The following PTPRO variants were observed in gnomAD, a reference collection of about 807,000 sequenced individuals.
PTPRO encodes the protein protein tyrosine phosphatase receptor type O, also known as receptor-type tyrosine-protein phosphatase O.
Under a neutral mutation model 145.2 loss-of-function variants are expected in PTPRO, and 62 were observed. The ratio of observed to expected loss-of-function variants is 0.43; its 90% CI spans 0.35 to 0.53. The LOEUF (loss-of-function observed/expected upper bound fraction) is 0.53. Ranked by LOEUF, PTPRO falls within the 20% of genes least tolerant of loss-of-function variation. PTPRO has a pLI of 0.01. For missense variants in PTPRO, 1,345 were observed against 1,482.7 expected (o/e 0.91, Z 1.53); for synonymous variants, 565 against 514.7 (o/e 1.10, Z -1.32).
intron 1 of PTPRO, among the ~76,000 whole-genome samples, chr12:15,410,114 G>T (rs1268106037): frequency 6.6e-6 from 1 of 151,910 alleles, no homozygotes; most frequent in Non-Finnish European, 1.5e-5. Context: ...ACAGAAAGCA[G>T]GAATAAAAAG....
chr12:15,447,235 G>A (rs11513656), intron 1 of PTPRO, among the ~76,000 whole-genome samples: 22,561 of 151,938 alleles, frequency 0.15, 1,749 homozygotes, highest in Middle Eastern at 0.19. Flanking sequence ...TGGATTTCAT[G>A]GGGGGGAGGG....
chr12:15,470,970 C>T (rs1941526393), intron 1 of PTPRO, among the ~76,000 whole-genome samples: 2 of 152,136 alleles, frequency 1.3e-5, no homozygotes, highest in Admixed American at 6.5e-5. Context: ...AGTGCATGTA[C>T]CCTCCAGTCT....
At chr12:15,412,035 AGACACCCTCACGCAGCTCTC>A (rs1939814766) in intron 1 of PTPRO, among the ~76,000 whole-genome samples, 2 of 152,228 alleles carry the variant, frequency 1.3e-5, no homozygotes, top group Non-Finnish European at 2.9e-5. Context: ...TTTACTCAGC[AGACACCCTCACGCAGCTCTC>A]TTCAGACCCT....
At chr12:15,563,391 G>A (rs1943823605) in intron 17 of PTPRO, among the ~76,000 whole-genome samples, 1 of 151,958 alleles carries the variant, frequency 6.6e-6, no homozygotes, top group South Asian at 2.1e-4. Context: ...ATTTTCCCCT[G>A]GTTTTAGTCT....
chr12:15,410,658 A>T (rs1591787093), intron 1 of PTPRO: 1 of 152,214 alleles, frequency 6.6e-6, no homozygotes, highest in South Asian at 2.1e-4. Flanking sequence ...TTTCTTTAAA[A>T]ATATGGATTA....
At chr12:15,326,327 C>T (rs750087240) in intron 1 of PTPRO, among the ~76,000 whole-genome samples, 6 of 152,168 alleles carry the variant, frequency 3.9e-5, no homozygotes, top group Non-Finnish European at 5.9e-5. Flanking sequence ...TTTGGAGAAA[C>T]CTTTTTACAT....
chr12:15,461,291 G>T (rs1271867879), intron 1 of PTPRO, among the ~76,000 whole-genome samples: 4 of 152,138 alleles, frequency 2.6e-5, no homozygotes, highest in Non-Finnish European at 5.9e-5. Context: ...CAAGCTCCAA[G>T]TTGCCCTGCC....
intron 11 of PTPRO, among the ~76,000 whole-genome samples, chr12:15,525,259 C>T (rs574864943): frequency 2.0e-5 from 3 of 152,294 alleles, no homozygotes; most frequent in East Asian, 3.9e-4. Flanking sequence ...CTACAATTAA[C>T]GTGTTTCCCA....
At chr12:15,390,215 A>G (rs1215794981) in intron 1 of PTPRO, among the ~76,000 whole-genome samples, 2 of 152,124 alleles carry the variant, frequency 1.3e-5, no homozygotes, top group Middle Eastern at 6.3e-3. Context: ...AATTTAAGTA[A>G]TGCACTTCTG....
intron 12 of PTPRO, among the ~76,000 whole-genome samples, chr12:15,530,535 C>A (rs1451081292): frequency 6.6e-6 from 1 of 152,060 alleles, no homozygotes; most frequent in African/African-American, 2.4e-5. Context: ...TCTTTTCTGA[C>A]CACAATGGAA....
chr12:15,513,135 GGAAGGAAGAAAGAAAGAAAGAA>G (rs1309291988), intron 7 of PTPRO, among the ~76,000 whole-genome samples: 2 of 29,322 alleles, frequency 6.8e-5, no homozygotes, highest in African/African-American at 2.4e-4. Flanking sequence ...AAGGAAGGAA[GGAAGGAAGAAAGAAAGAAAGAA>G]AAAGAAAGAA....
chr12:15,499,381 T>G (rs1192768287), intron 3 of PTPRO, 61 bp from the exon 4 acceptor site: 24 of 1,514,376 alleles, frequency 1.6e-5, no homozygotes, highest in Non-Finnish European at 2.2e-5. Flanking sequence ...TTTCAAACTT[T>G]CCAGAAGTGT....
chr12:15,525,126 T>C (rs1454892820), intron 11 of PTPRO, among the ~76,000 whole-genome samples, 161 bp downstream of exon 11: 1 of 152,220 alleles, frequency 6.6e-6, no homozygotes, highest in African/African-American at 2.4e-5. Context: ...GAATTCTTCC[T>C]TTCATAGAGC....
chr12:15,340,214 G>A (rs1226314962), intron 1 of PTPRO, among the ~76,000 whole-genome samples: 1 of 152,154 alleles, frequency 6.6e-6, no homozygotes, highest in Non-Finnish European at 1.5e-5. Context: ...AAAGGAGTTA[G>A]GAGTGAAACC....
intron 1 of PTPRO, among the ~76,000 whole-genome samples, chr12:15,331,338 C>T (rs1441650351): frequency 2.0e-5 from 3 of 152,062 alleles, no homozygotes; most frequent in Non-Finnish European, 4.4e-5. Context: ...ATAAATGCTT[C>T]CGGGAATTGA....
intron 1 of PTPRO, among the ~76,000 whole-genome samples, chr12:15,424,631 C>A (rs1315186204): frequency 6.6e-6 from 1 of 151,814 alleles, no homozygotes. Flanking sequence ...ATAATGGGTG[C>A]ATGAAAGAGG....
chr12:15,334,743 T>C (rs992009199), intron 1 of PTPRO, among the ~76,000 whole-genome samples: 4 of 152,138 alleles, frequency 2.6e-5, no homozygotes, highest in Non-Finnish European at 5.9e-5. Context: ...CACTCTCACA[T>C]ACATGACTGA....
intron 1 of PTPRO, among the ~76,000 whole-genome samples, chr12:15,430,984 T>C (rs887281865): frequency 1.2e-4 from 18 of 152,210 alleles, no homozygotes; most frequent in African/African-American, 4.3e-4. Flanking sequence ...TAGTAATTAT[T>C]GCTTAAAAAC....
At chr12:15,418,249 A>T (rs1754191203) in intron 1 of PTPRO, among the ~76,000 whole-genome samples, 1 of 151,832 alleles carries the variant, frequency 6.6e-6, no homozygotes, top group South Asian at 2.1e-4. Flanking sequence ...AATGTGGTTA[A>T]TCACAACAGG....
Sources: allele counts gnomAD v4.1 joint callset (sites outside exome capture counted in the v4.1 genomes callset), GRCh38; gene constraint gnomAD v4.1.1; transcripts MANE v1.5; gene names NCBI Gene and HGNC (gene_info 2026-07-23, HGNC 2026-07-21).